The following DENND4C variants were observed in gnomAD, a reference collection of about 807,000 sequenced individuals.
DENND4C encodes DENN domain-containing protein 4C.
In DENND4C, 108 loss-of-function variants were observed where a neutral mutation model predicts 203.0. That is an observed-to-expected ratio of 0.53 (90% CI 0.46 to 0.62). DENND4C has a LOEUF of 0.62. Ranked by LOEUF, DENND4C falls within the 20% of genes least tolerant of loss-of-function variation. DENND4C has a pLI of 0.00. For synonymous variants in DENND4C, 871 were observed against 792.4 expected (o/e 1.10, Z -1.67); for missense variants, 2,481 against 2,301.2 (o/e 1.08, Z -1.60).
chr9:19,332,155 A>G lies in DENND4C; in HGVS notation c.2431A>G (p.Arg811Gly), dbSNP rs1283453744. The change falls in exon 17 of 33, where the codon AGG (arginine) becomes GGG (glycine). Residue 811 changes from arginine to glycine, a missense_variant. By Grantham distance (125) the Arg-to-Gly change is moderately radical. This residue lies in a region of DENND4C where 2,289 missense variants were observed against 2,113.3 expected (regional missense o/e 1.08). Coordinates refer to ENST00000434457, the MANE Select transcript of DENND4C (RefSeq NM_001330640.2). ...QQAYDVLIKM[R>G]KTDVDPLDEV... ...GGCATATGATGTACTTATTAAGATG[A>G]GGAAAACAGATGTGGATCCCTTAGA... The G allele has an allele frequency of 1.2e-6, 2 of 1,613,884 alleles. No individual in the cohort carries two copies. The highest frequency in any genetic ancestry group is 1.7e-5 in the Admixed American group (1 of 59,998).
Position 19,360,271 on chromosome 9 carries a change from C to T in DENND4C, c.5188C>T (p.Pro1730Ser), listed in dbSNP as rs773446530. 3.7e-6 allele frequency: 6 copies of T among 1,613,030 alleles called. No individual in the cohort carries two copies. Among genetic ancestry groups the T allele is most frequent in the Admixed American group, 1.7e-5 (1 of 59,812 alleles). Residue 1730 changes from proline to serine, a missense_variant, in exon 29 of 33, where the codon CCC becomes TCC. Physicochemically the swap from Pro to Ser is moderately conservative, Grantham distance 74 (BLOSUM62 -1). Transcript: ENST00000434457. The part of the protein sequence containing the change: ...VDPLGKRPNP[P>S]PVSVPYLSPL... ...TCCTTTAGGAAAAAGACCCAATCCT[C>T]CCCCTGTTTCTGTGCCCTACTTGAG...
intron 30 of DENND4C, among the ~76,000 whole-genome samples, chr9:19,367,735 A>ATGTTG: frequency 6.6e-6 from 1 of 152,192 alleles, no homozygotes; most frequent in Non-Finnish European, 1.5e-5. Flanking sequence ...GCGAGACTCC[A>ATGTTG]TCTCAAAAAC....
intron 1 of DENND4C, among the ~76,000 whole-genome samples, chr9:19,255,994 T>C (rs996820821): frequency 6.6e-6 from 1 of 152,042 alleles, no homozygotes; most frequent in Non-Finnish European, 1.5e-5. Flanking sequence ...TCCCAGCACT[T>C]TGGGAGGCCA....
intron 1 of DENND4C, among the ~76,000 whole-genome samples, chr9:19,237,258 A>T (rs1472017318): frequency 2.0e-5 from 3 of 152,052 alleles, no homozygotes; most frequent in African/African-American, 7.2e-5. Flanking sequence ...ACCTCAGGTG[A>T]TCCGCCCACC....
chr9:19,269,379 G>A (rs1420889285), intron 1 of DENND4C, among the ~76,000 whole-genome samples: 5 of 152,068 alleles, frequency 3.3e-5, no homozygotes, highest in African/African-American at 7.2e-5. Context: ...GGCTGGTCTC[G>A]AACTCCTGAC....
At chr9:19,241,851 T>TA (rs923122319) in intron 1 of DENND4C, among the ~76,000 whole-genome samples, 6 of 145,928 alleles carry the variant, frequency 4.1e-5, no homozygotes, top group East Asian at 2.0e-4. Flanking sequence ...GACCTCATCT[T>TA]AAAAAAAAAA....
intron 1 of DENND4C, among the ~76,000 whole-genome samples, chr9:19,243,959 C>T (rs1380655402): frequency 1.3e-5 from 2 of 152,150 alleles, no homozygotes; most frequent in East Asian, 3.8e-4. Flanking sequence ...TGTGGGTTTG[C>T]ACCACCACAT....
At chr9:19,265,092 G>A (rs566973842) in intron 1 of DENND4C, among the ~76,000 whole-genome samples, 1 of 152,164 alleles carries the variant, frequency 6.6e-6, no homozygotes, top group East Asian at 1.9e-4. Context: ...TACAGCCACT[G>A]CCACCTTGAC....
intron 16 of DENND4C, among the ~76,000 whole-genome samples, chr9:19,330,331 T>C (rs1248651325): frequency 7.8e-6 from 1 of 128,104 alleles, no homozygotes; most frequent in Non-Finnish European, 1.7e-5. Flanking sequence ...TATACCAAGT[T>C]GGTTTTTTTT....
intron 23 of DENND4C, among the ~76,000 whole-genome samples, chr9:19,348,585 T>G (rs1263673205): frequency 6.6e-6 from 1 of 152,166 alleles, no homozygotes; most frequent in African/African-American, 2.4e-5. Context: ...AAATTGGAAT[T>G]AGAGACGTGG....
chr9:19,239,765 C>CGT (rs1306738233), intron 1 of DENND4C, among the ~76,000 whole-genome samples: 5 of 152,046 alleles, frequency 3.3e-5, no homozygotes, highest in Non-Finnish European at 7.4e-5. Flanking sequence ...TGATTACAGG[C>CGT]GTGAGCCACC....
At chr9:19,246,059 C>T (rs1301980938) in intron 1 of DENND4C, among the ~76,000 whole-genome samples, 5 of 151,962 alleles carry the variant, frequency 3.3e-5, no homozygotes, top group African/African-American at 9.7e-5. Context: ...CCATCATTCT[C>T]CTCATATATT....
Position 19,358,091 on chromosome 9 carries a change from TGAC to T in DENND4C, c.5092_5094del (p.Asp1698del). On this transcript the variant is annotated inframe_deletion, in exon 28 of 33. Transcript: ENST00000434457. This position sits in a 1 kb window ranked among gnomAD's most constrained non-coding sequence, Gnocchi z 4.8. The stretch of plus-strand genomic sequence containing the variant: ...GTGTTGGAGGCCCATTGCAGAATAT[TGAC>T]TTTACCCAGCGACCGTTTCATGGCA... The T allele has an allele frequency of 6.2e-7, 1 of 1,614,024 alleles. No individual in the cohort carries two copies. Among genetic ancestry groups the T allele is most frequent in the Non-Finnish European group, 8.5e-7 (1 of 1,179,878 alleles).
In DENND4C at chr9:19,232,103, A is replaced by G. The variant is rs141360301; in HGVS notation, c.-18+1270A>G. Among the ~76,000 whole-genome samples the G allele has an allele frequency of 2.6e-3, 396 of 152,308 alleles. 4 individuals carry two copies. The highest frequency in any genetic ancestry group is 8.8e-3 in the African/African-American group (364 of 41,568). On this transcript the variant is annotated intron_variant, in intron 1 of 32. Coordinates refer to ENST00000434457, the MANE Select transcript of DENND4C (RefSeq NM_001330640.2). ...AAGGTATCCTTTATTCTTGATCACT[A>G]TAGCATGCAAAAAAGAAACTATATT... is the stretch of plus-strand genomic sequence containing the variant.
chr9:19,321,059 T>C (rs1842797134), intron 12 of DENND4C, among the ~76,000 whole-genome samples: 1 of 152,224 alleles, frequency 6.6e-6, no homozygotes, highest in Admixed American at 6.5e-5. Flanking sequence ...GGTTTCAGTT[T>C]TTATCCTAAG....
At chr9:19,298,759 C>G (rs1054739147) in intron 7 of DENND4C, among the ~76,000 whole-genome samples, 1 of 152,134 alleles carries the variant, frequency 6.6e-6, no homozygotes, top group African/African-American at 2.4e-5. Context: ...TTCAGTAGCA[C>G]TGATCTATAG....
chr9:19,282,715 C>CTCTTTTTTTTTTTTTTTTTTTTTTT lies in DENND4C; in HGVS notation c.306-4053_306-4052insCTTTTTTTTTTTTTTTTTTTTTTTT, dbSNP rs758751945. On this transcript the variant is annotated intron_variant, in intron 2 of 32. Transcript: ENST00000434457. ...TTTTCTTTTTCTTTTTTTCTTCTCT[C>CTCTTTTTTTTTTTTTTTTTTTTTTT]TTTTTTTTTTTTTTTTTTTGAGACA... 3.5e-5 allele frequency among the ~76,000 whole-genome samples: 3 copies of CTCTTTTTTTTTTTTTTTTTTTTTTT among 86,638 alleles called. 1 individual carries two copies. The highest frequency in any genetic ancestry group is 4.4e-5 in the African/African-American group (1 of 22,596). The allele number at this position is 86,638 out of a possible 152,430, so 56.8% of individuals were successfully genotyped here.
intron 18 of DENND4C, among the ~76,000 whole-genome samples, chr9:19,335,419 C>T (rs901596911): frequency 7.2e-5 from 11 of 152,028 alleles, no homozygotes; most frequent in African/African-American, 2.7e-4. Flanking sequence ...TAACTGTAGT[C>T]CCCATGTTGT....
intron 23 of DENND4C, among the ~76,000 whole-genome samples, chr9:19,350,115 C>G (rs1455927473): frequency 6.6e-6 from 1 of 152,162 alleles, no homozygotes; most frequent in Non-Finnish European, 1.5e-5. Context: ...CAACAATCAC[C>G]TATGTAGTTA....
Sources: gnomAD v4.1 joint callset for allele counts (sites outside exome capture counted in the v4.1 genomes callset) on GRCh38, gnomAD v4.1.1 for gene constraint, gnomAD v4.1.1 regional missense constraint, Gnocchi (gnomAD v3.1) non-coding constraint, MANE v1.5 for transcripts, NCBI Gene and HGNC (gene_info 2026-07-23, HGNC 2026-07-21) for gene names.